Variants in HEXD observed in about 807,000 individuals in gnomAD.
The protein encoded by HEXD is hexosaminidase D, also known as N-acetyl-beta-galactosaminidase.
HEXD carries 47 observed loss-of-function variants against 54.2 expected under a neutral mutation model. That is an observed-to-expected ratio of 0.87 (90% CI 0.69 to 1.11). The LOEUF is 1.11. Ranked by LOEUF, HEXD falls within the 50% of genes least tolerant of loss-of-function variation. The pLI, the probability that HEXD is intolerant of heterozygous loss-of-function variation, is 0.00. For synonymous variants in HEXD, 293 were observed against 287.6 expected (o/e 1.02, Z -0.19); for missense variants, 576 against 649.2 (o/e 0.89, Z 1.23).
At chr17:82,420,969 G>A (rs1250874680) in intron 2 of HEXD, among the ~76,000 whole-genome samples, 2 of 152,176 alleles carry the variant, frequency 1.3e-5, no homozygotes, top group Non-Finnish European at 2.9e-5. Flanking sequence ...CAAACTACAA[G>A]TGGGTGGGAC....
intron 11 of HEXD, 117 bp downstream of exon 11, chr17:82,441,383 CGGGCAGGCATGGGGCAGGTGCGGGTGAG>C: frequency 9.2e-6 from 8 of 866,370 alleles, no homozygotes; most frequent in South Asian, 2.1e-5. Flanking sequence ...TGCAGGTGAG[CGGGCAGGCATGGGGCAGGTGCGGGTGAG>C]GGGCAGGTGT....
At position 82,433,653 on chromosome 17, in the gene HEXD, C is replaced by A; in HGVS notation, c.283-5C>A. The stretch of plus-strand genomic sequence containing the variant: ...CCCAACGCGAACTTCTCTGTCTCTC[C>A]GCAGTTTGTGCTGAAGCACACGGCC... On this transcript the variant is annotated splice_polypyrimidine_tract_variant and splice_region_variant and intron_variant, in intron 4 of 12. Coordinates refer to ENST00000327949, the MANE Select transcript of HEXD (RefSeq NM_001330542.2). The A allele has an allele frequency of 1.3e-6, 2 of 1,571,250 alleles. No individual in the cohort carries two copies. The highest frequency in any genetic ancestry group is 1.7e-6 in the Non-Finnish European group (2 of 1,164,728).
rs2053677841 is a variant in HEXD at position 82,433,732 on chromosome 17, G to C, written c.357G>C (p.Glu119Asp). Residue 119 changes from glutamate (E) to aspartate (D), a missense_variant, in exon 5 of 13, where the codon GAG becomes GAC. By Grantham distance (45) the Glu-to-Asp change is conservative. Coordinates refer to ENST00000327949, the MANE Select transcript of HEXD (RefSeq NM_001330542.2). Reference sequence around the variant, plus strand: ...TCCCCTGCACCCTGAACCCCCACGAGGCAGAGTCCCTGGCGCTGGTGGGCG... The same window carrying C: ...TCCCCTGCACCCTGAACCCCCACGACGCAGAGTCCCTGGCGCTGGTGGGCG... ...GSFPCTLNPH[E>D]AESLALVGAM... The C allele has an allele frequency of 6.2e-7, 1 of 1,613,296 alleles. No individual in the cohort carries two copies.
At chr17:82,435,249 G>A (rs922442352) in intron 5 of HEXD, among the ~76,000 whole-genome samples, 6 of 152,176 alleles carry the variant, frequency 3.9e-5, no homozygotes, top group Non-Finnish European at 7.4e-5. Context: ...CCCAGGCCCC[G>A]GCGACCACGG....
rs555715895 is a variant in HEXD at position 82,435,706 on chromosome 17, G to A, written c.465G>A (p.Glu155=). The change falls in exon 6 of 13, where the codon GAG becomes GAA. Residue 155 remains glutamate, a synonymous_variant. Coordinates refer to ENST00000327949, the MANE Select transcript of HEXD (RefSeq NM_001330542.2). ...CCTTGCAGGTCTATTACCTCGGAGAGGGGGAGGCCTCGCGCCGGTGGCTAC... is the reference window on the plus strand; with the variant it reads ...CCTTGCAGGTCTATTACCTCGGAGAAGGGGAGGCCTCGCGCCGGTGGCTAC... The part of the protein sequence containing the change: ...IGCDEVYYLG[E]GEASRRWLQQ... The A allele has an allele frequency of 3.7e-6, 6 of 1,612,418 alleles. No homozygotes were observed. The highest frequency in any genetic ancestry group is 3.4e-6 in the Non-Finnish European group (4 of 1,179,462).
rs559064958 is a variant in HEXD, at chr17:82,428,693, G to A, written c.282+48G>A. ...ACCTGGTGCCAGGTGTGGGGTCCAG[G>A]GGCTGCAGGCTGGGCCAGGCTTGTG... On this transcript the variant is annotated intron_variant, in intron 4 of 12. Coordinates refer to ENST00000327949, the MANE Select transcript of HEXD (RefSeq NM_001330542.2). 4 of 1,542,590 alleles carry A rather than the reference G, an allele frequency of 2.6e-6. No homozygotes were observed. In the East Asian group the frequency reaches 6.8e-5, roughly 26 times the overall value.
At chr17:82,435,896 G>A (rs372898846) in intron 6 of HEXD, 24 bp downstream of exon 6, 7 of 1,592,726 alleles carry the variant, frequency 4.4e-6, no homozygotes, top group South Asian at 1.1e-5. Context: ...GCTGGGGGAG[G>A]GGGTGGGCCA....
At chr17:82,427,650 G>A (rs2053455473) in intron 3 of HEXD, among the ~76,000 whole-genome samples, 1 of 152,134 alleles carries the variant, frequency 6.6e-6, no homozygotes, top group Non-Finnish European at 1.5e-5. Flanking sequence ...CTTTTGATGT[G>A]AAAAAGTAAA....
chr17:82,440,100 A>G, intron 9 of HEXD: 1 of 1,298,592 alleles, frequency 7.7e-7, no homozygotes, highest in Non-Finnish European at 1.0e-6. Context: ...CCCTGGACCC[A>G]GCACTCACAC....
chr17:82,418,414 G>T lies in HEXD; in HGVS notation c.-378G>T, dbSNP rs1567878555. On this transcript the variant is annotated 5_prime_UTR_variant, in exon 1 of 13. Coordinates refer to ENST00000327949, the MANE Select transcript of HEXD (RefSeq NM_001330542.2). The stretch of plus-strand genomic sequence containing the variant: ...GCCCTTCCCCTCCTCACCGCTACCT[G>T]CTCCGGTTCCGGCGCTCGGCCGCTC... 2 of 1,477,978 alleles carry T rather than the reference G, an allele frequency of 1.4e-6. No homozygotes were observed. Among genetic ancestry groups the T allele is most frequent in the Non-Finnish European group, 1.8e-6 (2 of 1,119,842 alleles). The allele number at this position is 1,477,978 out of a possible 1,614,324, so 91.6% of individuals were successfully genotyped here. A position where few individuals can be genotyped will look rare whatever the true frequency, so the allele number is the denominator to read the frequency against.
At chr17:82,433,406 G>A (rs1460812685) in intron 4 of HEXD, among the ~76,000 whole-genome samples, 2 of 152,018 alleles carry the variant, frequency 1.3e-5, no homozygotes, top group Non-Finnish European at 2.9e-5. Flanking sequence ...CTGTGCCACT[G>A]CACTCCAGCC....
chr17:82,442,253 G>A lies in HEXD; in HGVS notation c.1330G>A (p.Glu444Lys), dbSNP rs368526695. 1 of 1,606,688 alleles carries A rather than the reference G, an allele frequency of 6.2e-7. No individual in the cohort carries two copies. Among genetic ancestry groups the A allele is most frequent in the Non-Finnish European group, 8.5e-7 (1 of 1,179,932 alleles). ...GCTGGCTTTCTACCCGGATGCCGTG[G>A]AGGAGTGGCTGGAGGAAAACGTGCA... is the stretch of plus-strand genomic sequence containing the variant. The part of the protein sequence containing the change: ...LQLAFYPDAV[E>K]EWLEENVHPS... Residue 444 changes from glutamate (E) to lysine (K), a missense_variant, in exon 13 of 13, where the codon GAG becomes AAG. Coordinates refer to ENST00000327949, the MANE Select transcript of HEXD (RefSeq NM_001330542.2). This position sits in a 1 kb window ranked among gnomAD's most constrained non-coding sequence, Gnocchi z 6.8.
At chr17:82,435,650 C>T (rs776826809) in intron 5 of HEXD, 39 bp from the exon 6 acceptor site, 3 of 1,579,170 alleles carry the variant, frequency 1.9e-6, no homozygotes, top group African/African-American at 1.3e-5. Context: ...CCGGTGTGCA[C>T]GGCTGCCAAG....
chr17:82,431,480 G>C lies in HEXD; in HGVS notation c.283-2178G>C, dbSNP rs2053575041. On this transcript the variant is annotated intron_variant, in intron 4 of 12. Transcript: ENST00000327949. ...GTTTCACTCTGTCACCCAGGCTGGA[G>C]TGCAGCGGCGTGATCTCAGCTCACT... Among the ~76,000 whole-genome samples the C allele has an allele frequency of 2.0e-5, 3 of 150,750 alleles. No individual in the cohort carries two copies. The South Asian group carries it at 6.3e-4, about 32-fold the overall frequency.
intron 8 of HEXD, among the ~76,000 whole-genome samples, chr17:82,438,650 G>A (rs756041005): frequency 3.3e-5 from 5 of 152,210 alleles, no homozygotes; most frequent in Non-Finnish European, 7.3e-5. Context: ...ATGTGGGCTA[G>A]GCGAACGGCT....
intron 7 of HEXD, 116 bp downstream of exon 7, chr17:82,436,854 C>G: frequency 1.0e-6 from 1 of 957,276 alleles, no homozygotes. Context: ...CGGGTAGAGG[C>G]CAGGGCACAG....
intron 3 of HEXD, among the ~76,000 whole-genome samples, chr17:82,427,830 G>T (rs55945435): frequency 1.3e-5 from 2 of 151,976 alleles, no homozygotes; most frequent in Non-Finnish European, 2.9e-5. Flanking sequence ...TGTGAAAAAC[G>T]AAGAGGTCGA....
rs1390890278 is a variant in HEXD, at chr17:82,434,832, C to T, written c.448-857C>T. Among the ~76,000 whole-genome samples the T allele has an allele frequency of 4.8e-5, 7 of 145,434 alleles. No individual in the cohort carries two copies. The highest frequency in any genetic ancestry group is 1.1e-4 in the Non-Finnish European group (7 of 66,482). Reference sequence around the variant, plus strand: ...CAGCCTGGGCAACAGAGTGAGACTCCGGCTCTAAATAAATAAGTAAATAAA... The same window carrying T: ...CAGCCTGGGCAACAGAGTGAGACTCTGGCTCTAAATAAATAAGTAAATAAA... On this transcript the variant is annotated intron_variant, in intron 5 of 12. Coordinates refer to ENST00000327949, the MANE Select transcript of HEXD (RefSeq NM_001330542.2). This position sits in a 1 kb window ranked among gnomAD's most constrained non-coding sequence, Gnocchi z 4.5.
chr17:82,439,907 C>A, intron 9 of HEXD, 194 bp downstream of exon 9: 1 of 1,527,014 alleles, frequency 6.5e-7, no homozygotes, highest in Non-Finnish European at 8.8e-7. Context: ...GTGTCTGGGT[C>A]TCCAGGCCTA....
Sources: gnomAD v4.1 joint callset for allele counts (sites outside exome capture counted in the v4.1 genomes callset) on GRCh38, gnomAD v4.1.1 for gene constraint, Gnocchi (gnomAD v3.1) non-coding constraint, MANE v1.5 for transcripts, NCBI Gene and HGNC (gene_info 2026-07-23, HGNC 2026-07-21) for gene names.